The following PIAS1 variants were observed in gnomAD, a reference collection of about 807,000 sequenced individuals.
PIAS1 encodes the protein protein inhibitor of activated STAT 1, also known as E3 SUMO-protein ligase PIAS1.
Under a neutral mutation model 71.3 loss-of-function variants are expected in PIAS1, and 6 were observed. That is an observed-to-expected ratio of 0.08 (90% confidence interval 0.05 to 0.17). PIAS1 has a LOEUF of 0.17. PIAS1 is among the 10% of genes least tolerant of loss of function. The pLI is 1.00. For missense variants in PIAS1, 555 were observed against 793.6 expected (o/e 0.70, Z 3.61); for synonymous variants, 303 against 292.9 (o/e 1.03, Z -0.35).
chr15:68,146,595 G>A lies in PIAS1; in HGVS notation c.723G>A (p.Val241=), dbSNP rs757047398. The change falls in exon 6 of 14, where the codon GTG becomes GTA. Residue 241 remains valine (V), a synonymous_variant. Coordinates refer to ENST00000249636, the MANE Select transcript of PIAS1 (RefSeq NM_016166.3). ...ACCTTCCACCTACAAAAAATGGCGT[G>A]GAACCAAAGCGACCCAGCCGACCAA... is the stretch of plus-strand genomic sequence containing the variant. ...PGYLPPTKNG[V]EPKRPSRPIN... is the part of the protein sequence containing the mutation. The A allele has an allele frequency of 1.9e-6, 3 of 1,612,682 alleles. No individual in the cohort carries two copies. The South Asian group carries it at 3.3e-5, about 18-fold the overall frequency.
At chr15:68,096,696 A>G (rs1171937238) in intron 2 of PIAS1, among the ~76,000 whole-genome samples, 3 of 151,888 alleles carry the variant, frequency 2.0e-5, no homozygotes, top group Non-Finnish European at 2.9e-5. Context: ...TTGAATTGTT[A>G]AGTTCCTTTT....
intron 1 of PIAS1, among the ~76,000 whole-genome samples, chr15:68,085,366 A>G (rs1345800278): frequency 6.6e-6 from 1 of 152,152 alleles, no homozygotes; most frequent in Non-Finnish European, 1.5e-5. Context: ...GTCATTTCCT[A>G]TTAGTAGGTG....
chr15:68,151,177 T>C (rs34106628), intron 6 of PIAS1, among the ~76,000 whole-genome samples: 29,895 of 151,874 alleles, frequency 0.2, 3,168 homozygotes, highest in Non-Finnish European at 0.24. Context: ...TAAGCTTTGG[T>C]GGGGTTTTTT....
At chr15:68,181,182 G>C in intron 11 of PIAS1, 30 bp from the exon 12 acceptor site, 1 of 1,606,378 alleles carries the variant, frequency 6.2e-7, no homozygotes, top group Non-Finnish European at 8.5e-7. Context: ...ACTGGCTAAT[G>C]AAAACTATGC....
intron 2 of PIAS1, among the ~76,000 whole-genome samples, chr15:68,110,469 G>A (rs6494712): frequency 0.99 from 151,007 of 152,152 alleles, 74,947 homozygotes; most frequent in Middle Eastern, 1. Context: ...GGTGGCGGGT[G>A]CCTGTAATCC....
chr15:68,100,853 TAGG>T (rs1275219607), intron 2 of PIAS1, among the ~76,000 whole-genome samples: 2 of 152,096 alleles, frequency 1.3e-5, no homozygotes, highest in Admixed American at 6.6e-5. Flanking sequence ...GCCATTTTGA[TAGG>T]AGTATAGTGA....
Position 68,176,579 on chromosome 15 carries a change from A to G in PIAS1, c.1406A>G (p.Asp469Gly), listed in dbSNP as rs773552016. ...VIDLTIDSSS[D>G]EEEEEPSAKR... Reference sequence around the variant, plus strand: ...GACCTAACCATAGACAGTTCATCTGATGAAGAGGAAGAAGAGCCATCTGCC... The same window carrying G: ...GACCTAACCATAGACAGTTCATCTGGTGAAGAGGAAGAAGAGCCATCTGCC... The change falls in exon 11 of 14, where the codon GAT becomes GGT. Residue 469 changes from aspartate to glycine, a missense_variant. Asp to Gly is a moderately conservative substitution (Grantham distance 94). This residue lies in a region of PIAS1 where 244 missense variants were observed against 307.5 expected (regional missense o/e 0.79). Coordinates refer to ENST00000249636, the MANE Select transcript of PIAS1 (RefSeq NM_016166.3). The G allele has an allele frequency of 6.2e-7, 1 of 1,613,230 alleles. No individual in the cohort carries two copies. The highest frequency in any genetic ancestry group is 8.5e-7 in the Non-Finnish European group (1 of 1,179,466).
intron 8 of PIAS1, among the ~76,000 whole-genome samples, chr15:68,165,505 A>G (rs184971984): frequency 5.3e-5 from 8 of 152,356 alleles, no homozygotes; most frequent in South Asian, 2.1e-4. Context: ...TTTGCTAACA[A>G]TGACCACATT....
At chr15:68,138,450 C>A (rs1173972119) in intron 2 of PIAS1, among the ~76,000 whole-genome samples, 1 of 152,162 alleles carries the variant, frequency 6.6e-6, no homozygotes, top group Non-Finnish European at 1.5e-5. Flanking sequence ...ACAGTGCTGT[C>A]CAGTTCTGTC....
At chr15:68,176,870 C>T (rs1246223695) in intron 11 of PIAS1, among the ~76,000 whole-genome samples, 1 of 152,228 alleles carries the variant, frequency 6.6e-6, no homozygotes, top group East Asian at 1.9e-4. Context: ...ATCAAAAGAT[C>T]ATTCTAGTAC....
intron 2 of PIAS1, among the ~76,000 whole-genome samples, chr15:68,113,441 C>T (rs1486788449): frequency 6.6e-6 from 1 of 152,172 alleles, no homozygotes; most frequent in African/African-American, 2.4e-5. Context: ...GATCATTAGA[C>T]TTGGTTCATA....
At position 68,155,323 on chromosome 15, in the gene PIAS1, A is replaced by G. The variant is rs192503450; in HGVS notation, c.934+1628A>G. ...GTACACTGGATGAGATTTTTGTGGA[A>G]ATTGATACCTTACCTTACTTATTGG... is the stretch of plus-strand genomic sequence containing the variant. On this transcript the variant is annotated intron_variant, in intron 7 of 13. Coordinates refer to ENST00000249636, the MANE Select transcript of PIAS1 (RefSeq NM_016166.3). 3.3e-5 allele frequency among the ~76,000 whole-genome samples: 5 copies of G among 152,226 alleles called. No homozygotes were observed. In the East Asian group the frequency reaches 9.6e-4, roughly 29 times the overall value.
rs534640781 is a variant in PIAS1, at chr15:68,057,881, C to T, written c.24+3531C>T. 2.6e-5 allele frequency among the ~76,000 whole-genome samples: 4 copies of T among 152,190 alleles called. No individual in the cohort carries two copies. In the South Asian group the frequency reaches 8.3e-4, roughly 32 times the overall value. Reference sequence around the variant, plus strand: ...TATGATTGTTTTGAAATACCTCCTTCTTTTCATCCACCGTTTTCTCCTGGG... The same window carrying T: ...TATGATTGTTTTGAAATACCTCCTTTTTTTCATCCACCGTTTTCTCCTGGG... On this transcript the variant is annotated intron_variant, in intron 1 of 13. Transcript: ENST00000249636.
intron 7 of PIAS1, among the ~76,000 whole-genome samples, chr15:68,157,177 C>G (rs917962779): frequency 1.3e-5 from 2 of 152,084 alleles, no homozygotes; most frequent in African/African-American, 4.8e-5. Flanking sequence ...TCAGAGTGGA[C>G]TGTTAGACTT....
At chr15:68,105,945 C>A (rs963049542) in intron 2 of PIAS1, among the ~76,000 whole-genome samples, 1 of 152,100 alleles carries the variant, frequency 6.6e-6, no homozygotes, top group African/African-American at 2.4e-5. Context: ...TAGGCACATT[C>A]TTTCTTTTTA....
At chr15:68,075,088 T>TTC (rs1392239458) in intron 1 of PIAS1, among the ~76,000 whole-genome samples, 2 of 137,198 alleles carry the variant, frequency 1.5e-5, no homozygotes, top group African/African-American at 5.4e-5. Context: ...CTTTTTTTTT[T>TTC]TTTTTTTTTT....
At position 68,178,932 on chromosome 15, in the gene PIAS1, A is replaced by G. The variant is rs1297525849; in HGVS notation, c.1481+2278A>G. Among the ~76,000 whole-genome samples the G allele has an allele frequency of 1.3e-5, 2 of 152,222 alleles. No homozygotes were observed. Among genetic ancestry groups the G allele is most frequent in the East Asian group, 3.8e-4 (2 of 5,204 alleles). ...TATTATGTTTGGAAAATTACATTAA[A>G]TGCATTAAGTACTTCCTGAATTTCC... On this transcript the variant is annotated intron_variant, in intron 11 of 13. Transcript: ENST00000249636. This position sits in a 1 kb window ranked among gnomAD's most constrained non-coding sequence, Gnocchi z 4.2.
rs191879851 is a variant in PIAS1, at chr15:68,092,273, A to G, written c.469+5523A>G. Among the ~76,000 whole-genome samples the G allele has an allele frequency of 1.8e-4, 27 of 152,184 alleles. No individual in the cohort carries two copies. The East Asian group carries it at 3.5e-3, about 20-fold the overall frequency. On this transcript the variant is annotated intron_variant, in intron 2 of 13. Transcript: ENST00000249636. ...ACTGCAACCTCCGCTTCCTGGCTCA[A>G]GCGATCCTCCCACCTCGCCTCCTGA...
chr15:68,153,989 C>T (rs914624395), intron 7 of PIAS1: 1 of 220,146 alleles, frequency 4.5e-6, no homozygotes, highest in Non-Finnish European at 9.1e-6. Context: ...GCATAAATTT[C>T]AAGAAAGTTA....
Sources: allele counts gnomAD v4.1 joint callset (sites outside exome capture counted in the v4.1 genomes callset), GRCh38; gene constraint gnomAD v4.1.1; regional missense constraint gnomAD v4.1.1; non-coding constraint Gnocchi (gnomAD v3.1); transcripts MANE v1.5; gene names NCBI Gene and HGNC (gene_info 2026-07-23, HGNC 2026-07-21).